Variants in NR3C2 observed in about 807,000 individuals in gnomAD.
The protein encoded by NR3C2 is mineralocorticoid receptor.
A neutral mutation model predicts 86.4 loss-of-function variants in NR3C2; 15 were observed. The ratio of observed to expected loss-of-function variants is 0.17; its 90% CI spans 0.12 to 0.27. NR3C2 has a LOEUF of 0.27. Ranked by LOEUF, NR3C2 falls within the 10% of genes least tolerant of loss-of-function variation. The pLI is 1.00. For missense variants in NR3C2, 960 were observed against 1,195.6 expected (o/e 0.80, Z 2.91); for synonymous variants, 458 against 450.5 (o/e 1.02, Z -0.21).
chr4:148,334,317 T>G (rs12650807), intron 2 of NR3C2, among the ~76,000 whole-genome samples: 1 of 152,082 alleles, frequency 6.6e-6, no homozygotes, highest in African/African-American at 2.4e-5. Context: ...CCTAGGTGGG[T>G]GGATCACCTG....
rs778530576 is a variant in NR3C2 at position 148,436,272 on chromosome 4, G to A, written c.589C>T (p.Pro197Ser). Residue 197 changes from proline to serine, a missense_variant, in exon 2 of 9, where the codon CCT becomes TCT. By Grantham distance (74) the Pro-to-Ser change is moderately conservative. Coordinates refer to ENST00000358102, the MANE Select transcript of NR3C2 (RefSeq NM_000901.5). Reference sequence around the variant, plus strand: ...CAAACCGAAGATGTCATGTTCAGAGGGCTGCAAACAGACGGGCTTTTCTCA... The same window carrying A: ...CAAACCGAAGATGTCATGTTCAGAGAGCTGCAAACAGACGGGCTTTTCTCA... ...CHEKSPSVCS[P>S]LNMTSSVCSP... The A allele has an allele frequency of 1.9e-6, 3 of 1,614,134 alleles. No individual in the cohort carries two copies. The East Asian group carries it at 6.7e-5, about 36-fold the overall frequency.
chr4:148,360,184 T>C (rs567582395), intron 2 of NR3C2, among the ~76,000 whole-genome samples: 2 of 152,338 alleles, frequency 1.3e-5, no homozygotes, highest in South Asian at 2.1e-4. Flanking sequence ...CCCTACTTTA[T>C]ACTTTCTTAT....
At chr4:148,265,569 T>C (rs1223961077) in intron 2 of NR3C2, among the ~76,000 whole-genome samples, 1 of 152,212 alleles carries the variant, frequency 6.6e-6, no homozygotes, top group Non-Finnish European at 1.5e-5. Flanking sequence ...AAATTCTTCA[T>C]GTAAAAAATA....
At position 148,427,211 on chromosome 4, in the gene NR3C2, A is replaced by T. The variant is rs77628421; in HGVS notation, c.1757+7893T>A. Among the ~76,000 whole-genome samples, 466 of 152,062 alleles carry T rather than the reference A, an allele frequency of 3.1e-3. 7 individuals carry two copies. Among genetic ancestry groups the T allele is most frequent in the East Asian group, 7.0e-3 (36 of 5,130 alleles). On this transcript the variant is annotated intron_variant, in intron 2 of 8. Coordinates refer to ENST00000358102, the MANE Select transcript of NR3C2 (RefSeq NM_000901.5). ...CTCAAGTGATGTGCCTACCTTGGCC[A>T]CCCAAAAGGCTGGGATTACACTGTG...
At chr4:148,429,865 G>A (rs1031534876) in intron 2 of NR3C2, among the ~76,000 whole-genome samples, 1 of 151,988 alleles carries the variant, frequency 6.6e-6, no homozygotes, top group Non-Finnish European at 1.5e-5. Flanking sequence ...TTTAGTAAAC[G>A]AAACAAAATG....
intron 2 of NR3C2, among the ~76,000 whole-genome samples, chr4:148,260,593 T>TA (rs1321549032): frequency 1.3e-5 from 2 of 152,188 alleles, no homozygotes; most frequent in African/African-American, 4.8e-5. Flanking sequence ...TCCACTAATT[T>TA]AAAAAAATTT....
At chr4:148,196,804 G>A (rs3846302) in intron 3 of NR3C2, among the ~76,000 whole-genome samples, 23,469 of 152,098 alleles carry the variant, frequency 0.15, 2,164 homozygotes, top group African/African-American at 0.25. Flanking sequence ...AAAAATGGAA[G>A]GCTCTTAATG....
intron 1 of NR3C2, among the ~76,000 whole-genome samples, chr4:148,438,530 C>A (rs1022986689): frequency 2.0e-5 from 3 of 152,084 alleles, no homozygotes; most frequent in African/African-American, 7.2e-5. Flanking sequence ...CCATTCTATA[C>A]ACAAGTTTTA....
chr4:148,113,278 C>T (rs1380789486), intron 8 of NR3C2, among the ~76,000 whole-genome samples: 2 of 152,146 alleles, frequency 1.3e-5, no homozygotes, highest in Admixed American at 6.5e-5. Context: ...TTGAGATGAT[C>T]CAGGCTGGCC....
At chr4:148,254,461 G>T (rs1007426774) in intron 3 of NR3C2, among the ~76,000 whole-genome samples, 12 of 152,188 alleles carry the variant, frequency 7.9e-5, no homozygotes, top group Non-Finnish European at 1.5e-4. Flanking sequence ...GGGGTCAATT[G>T]TTGGAGAAAC....
At chr4:148,102,911 T>C (rs1731605246) in intron 8 of NR3C2, among the ~76,000 whole-genome samples, 1 of 152,154 alleles carries the variant, frequency 6.6e-6, no homozygotes, top group African/African-American at 2.4e-5. Context: ...ACAGATCAGC[T>C]CCAGATTCTC....
chr4:148,082,746 C>T (rs958414245), intron 8 of NR3C2, among the ~76,000 whole-genome samples: 4 of 148,496 alleles, frequency 2.7e-5, no homozygotes, highest in East Asian at 2.1e-4. Flanking sequence ...GAAAGGGGGC[C>T]GAAGCCAAGG....
At chr4:148,203,118 C>T (rs1193710892) in intron 3 of NR3C2, among the ~76,000 whole-genome samples, 2 of 152,116 alleles carry the variant, frequency 1.3e-5, no homozygotes, top group Non-Finnish European at 2.9e-5. Context: ...TTATCACTCT[C>T]TGAATGATCT....
rs2126601897 is a variant in NR3C2 at position 148,419,949 on chromosome 4, A to C, written c.1757+15155T>G. 2.6e-5 allele frequency among the ~76,000 whole-genome samples: 4 copies of C among 152,302 alleles called. No homozygotes were observed. The Middle Eastern group carries it at 0.01, about 389-fold the overall frequency. On this transcript the variant is annotated intron_variant, in intron 2 of 8. Coordinates refer to ENST00000358102, the MANE Select transcript of NR3C2 (RefSeq NM_000901.5). ...AATGACTGTATGATCAGTTTTTGAA[A>C]CTGATGTAGGGTACAGTTTTTGTTT...
At chr4:148,100,312 T>C (rs1731478688) in intron 8 of NR3C2, among the ~76,000 whole-genome samples, 1 of 152,064 alleles carries the variant, frequency 6.6e-6, no homozygotes, top group African/African-American at 2.4e-5. Flanking sequence ...GGAGAAAATA[T>C]TTGCAAATCA....
chr4:148,433,379 G>C (rs1749888161), intron 2 of NR3C2, among the ~76,000 whole-genome samples: 1 of 152,060 alleles, frequency 6.6e-6, no homozygotes, highest in South Asian at 2.1e-4. Flanking sequence ...TTAATCATAA[G>C]AGATTATCAA....
At chr4:148,340,100 A>G in intron 2 of NR3C2, among the ~76,000 whole-genome samples, 1 of 152,084 alleles carries the variant, frequency 6.6e-6, no homozygotes, top group East Asian at 1.9e-4. Context: ...AATTACTGGT[A>G]TCATTAAAAT....
intron 2 of NR3C2, among the ~76,000 whole-genome samples, chr4:148,340,356 C>T (rs1744691962): frequency 6.6e-6 from 1 of 152,050 alleles, no homozygotes; most frequent in Non-Finnish European, 1.5e-5. Flanking sequence ...CACTTTTGGA[C>T]AAAGGTGCCT....
chr4:148,081,289 G>C lies in NR3C2; in HGVS notation c.*55C>G. ...AAAACAGGTTTTCTTGGGTCCTTCT[G>C]GGTGTGGAACAACACAGGGAAACTT... is the stretch of plus-strand genomic sequence containing the variant. On this transcript the variant is annotated 3_prime_UTR_variant, in exon 9 of 9. Coordinates refer to ENST00000358102, the MANE Select transcript of NR3C2 (RefSeq NM_000901.5). The C allele has an allele frequency of 1.2e-6, 2 of 1,610,096 alleles. No individual in the cohort carries two copies. The highest frequency in any genetic ancestry group is 1.7e-6 in the Non-Finnish European group (2 of 1,176,430).
Sources: gnomAD v4.1 joint callset for allele counts (sites outside exome capture counted in the v4.1 genomes callset) on GRCh38, gnomAD v4.1.1 for gene constraint, MANE v1.5 for transcripts, NCBI Gene and HGNC (gene_info 2026-07-23, HGNC 2026-07-21) for gene names.